The following ABCC1 variants were observed in gnomAD, a reference collection of about 807,000 sequenced individuals.
ABCC1 encodes the protein ATP binding cassette subfamily C member 1 (ABCC1 blood group).
ABCC1 carries 83 observed loss-of-function variants against 172.9 expected under a neutral mutation model. That is an observed-to-expected ratio of 0.48 (90% confidence interval 0.40 to 0.58). The LOEUF (loss-of-function observed/expected upper bound fraction) is 0.58, where lower values mean the gene tolerates loss of function less well. ABCC1 is among the 20% of genes least tolerant of loss of function. ABCC1 has a pLI of 0.00. For synonymous variants in ABCC1, 937 were observed against 825.2 expected, an observed-to-expected ratio of 1.14 and a Z score of -2.32; for missense variants, 1,817 against 2,002.7, an observed-to-expected ratio of 0.91 and a Z score of 1.77.
In ABCC1 at chr16:16,137,182, C is replaced by T. The variant is rs997564287; in HGVS notation, c.4292+538C>T. 1.4e-4 allele frequency among the ~76,000 whole-genome samples: 21 copies of T among 152,266 alleles called. 3 individuals carry two copies. Among genetic ancestry groups the T allele is most frequent in the Admixed American group, 2.0e-4 (3 of 15,288 alleles). On this transcript the variant is annotated intron_variant, in intron 29 of 30. Transcript: ENST00000399410. ...TCAGGCATGTTCAACCATAAAGCAA[C>T]GATCATTGCTGCCATACGAGGGCAG...
chr16:16,032,249 A>G (rs2048584960), intron 5 of ABCC1, among the ~76,000 whole-genome samples: 1 of 152,208 alleles, frequency 6.6e-6, no homozygotes, highest in Non-Finnish European at 1.5e-5. Context: ...TCGGTCTCCG[A>G]AAGTGCTGGG....
intron 5 of ABCC1, among the ~76,000 whole-genome samples, chr16:16,023,420 A>G (rs1250906406): frequency 6.6e-6 from 1 of 152,194 alleles, no homozygotes; most frequent in Non-Finnish European, 1.5e-5. Flanking sequence ...GATATAGAAC[A>G]CTGCAAGGAC....
chr16:16,074,947 C>CTTTTTTTTTTTTTTTTTTTTTTTTTTTT (rs71137910), intron 14 of ABCC1, among the ~76,000 whole-genome samples: 1 of 129,198 alleles, frequency 7.7e-6, no homozygotes, highest in African/African-American at 2.9e-5. Context: ...TTTTCTTTTT[C>CTTTTTTTTTTTTTTTTTTTTTTTTTTTT]TTTTTTTTTT....
chr16:15,969,001 A>T (rs2046309160), intron 1 of ABCC1, among the ~76,000 whole-genome samples: 1 of 151,902 alleles, frequency 6.6e-6, no homozygotes, highest in Non-Finnish European at 1.5e-5. Flanking sequence ...TGAGGTCAGT[A>T]GTTCAAGGCC....
chr16:15,954,152 C>A (rs1328820880), intron 1 of ABCC1, among the ~76,000 whole-genome samples: 1 of 151,748 alleles, frequency 6.6e-6, no homozygotes, highest in Non-Finnish European at 1.5e-5. Flanking sequence ...GGATTACAGG[C>A]GCACAGCCAC....
At chr16:16,035,903 C>T (rs2048736611) in intron 6 of ABCC1, among the ~76,000 whole-genome samples, 2 of 150,548 alleles carry the variant, frequency 1.3e-5, no homozygotes, top group South Asian at 2.1e-4. Flanking sequence ...TGCTTGAGCC[C>T]GGGGGTTCAA....
chr16:16,131,794 C>T lies in ABCC1; in HGVS notation c.3825C>T (p.Pro1275=). 2 of 1,613,296 alleles carry T rather than the reference C, an allele frequency of 1.2e-6. No homozygotes were observed. The highest frequency in any genetic ancestry group is 1.7e-6 in the Non-Finnish European group (2 of 1,179,728). Reference sequence around the variant, plus strand: ...TCCCTTCACTGCGATCGAAGGCGCCCTGGCAAATCCAGGAGACAGCTCCGC... The same window carrying T: ...TCCCTTCACTGCGATCGAAGGCGCCTTGGCAAATCCAGGAGACAGCTCCGC... The part of the protein sequence containing the change: ...KEYSETEKEA[P]WQIQETAPPS... The change falls in exon 27 of 31, where the codon CCC becomes CCT. Residue 1275 remains proline (P), a synonymous_variant. Transcript: ENST00000399410.
At chr16:15,999,814 C>CTCTCTCTCCTCTG (rs2047209312) in intron 1 of ABCC1, among the ~76,000 whole-genome samples, 1 of 40,118 alleles carries the variant, frequency 2.5e-5, no homozygotes, top group Non-Finnish European at 5.4e-5. Flanking sequence ...TCTCTCCTCT[C>CTCTCTCTCCTCTG]TCTCTCTCTC....
chr16:16,009,610 C>T (rs942805268), intron 2 of ABCC1, among the ~76,000 whole-genome samples, 166 bp from the exon 3 acceptor site: 2 of 152,108 alleles, frequency 1.3e-5, no homozygotes, highest in Non-Finnish European at 1.5e-5. Context: ...CTCACCATAC[C>T]GAGGACTTGT....
At chr16:16,069,173 T>C (rs1179240663) in intron 13 of ABCC1, among the ~76,000 whole-genome samples, 1 of 67,804 alleles carries the variant, frequency 1.5e-5, no homozygotes, top group Admixed American at 1.3e-4. Flanking sequence ...AAAATAAAAA[T>C]AAATAAATAA....
chr16:16,070,988 A>T (rs531206669), intron 13 of ABCC1, among the ~76,000 whole-genome samples: 5 of 152,148 alleles, frequency 3.3e-5, no homozygotes, highest in Admixed American at 1.3e-4. Flanking sequence ...TGCCTGTCCC[A>T]TTGGGCTGTT....
At chr16:16,098,035 G>C (rs901123838) in intron 19 of ABCC1, 1 of 152,360 alleles carries the variant, frequency 6.6e-6, no homozygotes, top group Non-Finnish European at 1.5e-5. Flanking sequence ...GGAAATCACA[G>C]AGAAGGAGCC....
chr16:16,132,041 C>G, intron 27 of ABCC1, 106 bp downstream of exon 27: 1 of 1,411,720 alleles, frequency 7.1e-7, no homozygotes, highest in Non-Finnish European at 9.7e-7. Context: ...CACGGCTCCA[C>G]ACCTTTGCTT....
chr16:16,116,382 C>G (rs111664155), intron 23 of ABCC1, among the ~76,000 whole-genome samples: 24 of 152,178 alleles, frequency 1.6e-4, no homozygotes, highest in African/African-American at 5.8e-4. Flanking sequence ...CAATGGATGC[C>G]TTAAACTGCA....
upstream of ABCC1, among the ~76,000 whole-genome samples, chr16:15,949,299 G>A (rs1386830437): frequency 6.6e-6 from 1 of 152,068 alleles, no homozygotes; most frequent in Non-Finnish European, 1.5e-5. Flanking sequence ...CCTGGTGACG[G>A]ATACTGTCCT....
rs766582879 is a variant in ABCC1 at position 16,056,298 on chromosome 16, G to A, written c.1677+3G>A. On this transcript the variant is annotated splice_donor_region_variant and intron_variant, in intron 12 of 30. Transcript: ENST00000399410. ...CCTGGGTCTGCACGCCCTTTCTGGT[G>A]AGTGAAGCCACATTTTTCCTGGCCC... 28 of 1,614,004 alleles carry A rather than the reference G, an allele frequency of 1.7e-5. No individual in the cohort carries two copies. The highest frequency in any genetic ancestry group is 3.3e-5 in the Admixed American group (2 of 60,006).
chr16:16,062,906 C>T (rs1269021937), intron 12 of ABCC1, among the ~76,000 whole-genome samples: 2 of 152,092 alleles, frequency 1.3e-5, no homozygotes, highest in African/African-American at 4.8e-5. Context: ...AATAGCATCG[C>T]CAGGCAGCCG....
intron 1 of ABCC1, among the ~76,000 whole-genome samples, chr16:15,990,537 T>C (rs1284986692): frequency 6.6e-6 from 1 of 152,170 alleles, no homozygotes; most frequent in East Asian, 1.9e-4. Context: ...GAGTTTGTCT[T>C]TTTTAGATGT....
chr16:16,059,911 G>A (rs1436134222), intron 12 of ABCC1, among the ~76,000 whole-genome samples: 2 of 151,562 alleles, frequency 1.3e-5, no homozygotes, highest in Non-Finnish European at 2.9e-5. Flanking sequence ...TACGGGAATC[G>A]TTTGAACCCG....
Sources: allele counts gnomAD v4.1 joint callset (sites outside exome capture counted in the v4.1 genomes callset), GRCh38; gene constraint gnomAD v4.1.1; transcripts MANE v1.5; gene names NCBI Gene and HGNC (gene_info 2026-07-23, HGNC 2026-07-21).